The following SETD2 variants were observed in gnomAD, a reference collection of about 807,000 sequenced individuals.
SETD2 encodes the protein histone-lysine N-methyltransferase SETD2.
In SETD2, 31 loss-of-function variants were observed where a neutral mutation model predicts 242.1. That is an observed-to-expected ratio of 0.13 (90% CI 0.10 to 0.17). SETD2 has a LOEUF of 0.17. Ranked by LOEUF, SETD2 falls within the 10% of genes least tolerant of loss-of-function variation. The pLI, the probability that SETD2 is intolerant of heterozygous loss-of-function variation, is 1.00. For synonymous variants in SETD2, 1,006 were observed against 1,066.5 expected, an observed-to-expected ratio of 0.94 and a Z score of 1.11; for missense variants, 2,481 against 3,046.3, an observed-to-expected ratio of 0.81 and a Z score of 4.37.
chr3:47,068,500 T>G (rs966043151), intron 12 of SETD2, among the ~76,000 whole-genome samples: 5 of 148,530 alleles, frequency 3.4e-5, no homozygotes, highest in African/African-American at 1.2e-4. Context: ...TATCTTTTTT[T>G]TTTTTTTTTT....
chr3:47,086,155 T>A, intron 11 of SETD2, 40 bp downstream of exon 11: 2 of 1,606,288 alleles, frequency 1.2e-6, no homozygotes, highest in South Asian at 2.2e-5. Context: ...GCAATCAATA[T>A]AACAGTTTTA....
At chr3:47,033,753 C>T (rs1575664014) in intron 18 of SETD2, among the ~76,000 whole-genome samples, 1 of 148,808 alleles carries the variant, frequency 6.7e-6, no homozygotes, top group African/African-American at 2.5e-5. Context: ...CCCCCGTCTC[C>T]CGGGTTCAAG....
chr3:47,073,318 T>C (rs1452388808), intron 12 of SETD2, among the ~76,000 whole-genome samples: 1 of 152,120 alleles, frequency 6.6e-6, no homozygotes, highest in Non-Finnish European at 1.5e-5. Flanking sequence ...GAAAATATTT[T>C]ACAAAATTAA....
At chr3:47,147,251 G>T (rs1422061478) in intron 1 of SETD2, among the ~76,000 whole-genome samples, 1 of 151,270 alleles carries the variant, frequency 6.6e-6, no homozygotes, top group Non-Finnish European at 1.5e-5. Flanking sequence ...GACCTCAGGT[G>T]ATCTGCCCTC....
chr3:47,053,595 TAA>T (rs1045976064), intron 15 of SETD2, among the ~76,000 whole-genome samples: 1 of 152,244 alleles, frequency 6.6e-6, no homozygotes, highest in Non-Finnish European at 1.5e-5. Flanking sequence ...CTCCAAATAT[TAA>T]AGATACTGAA....
chr3:47,024,513 C>G (rs6767218), intron 18 of SETD2, among the ~76,000 whole-genome samples: 2 of 150,416 alleles, frequency 1.3e-5, no homozygotes, highest in African/African-American at 2.5e-5. Context: ...TTAGCTGGGC[C>G]TGGTGGTGCA....
chr3:47,109,114 G>T (rs1402569530), intron 5 of SETD2, among the ~76,000 whole-genome samples: 1 of 152,114 alleles, frequency 6.6e-6, no homozygotes. Flanking sequence ...GGTGGGTGGG[G>T]ACAGAAATTG....
intron 12 of SETD2, among the ~76,000 whole-genome samples, chr3:47,070,530 G>A (rs2040775743): frequency 6.6e-6 from 1 of 152,336 alleles, no homozygotes; most frequent in South Asian, 2.1e-4. Context: ...TGAGAAGGAA[G>A]CAGCCACGCG....
intron 5 of SETD2, among the ~76,000 whole-genome samples, chr3:47,111,374 A>T (rs2107711714): frequency 6.6e-6 from 1 of 152,104 alleles, no homozygotes; most frequent in Non-Finnish European, 1.5e-5. Flanking sequence ...TGAGAAGCCT[A>T]GGCAACATAG....
intron 13 of SETD2, 21 bp from the exon 14 acceptor site, chr3:47,062,367 G>GTT: frequency 2.1e-6 from 3 of 1,413,408 alleles, no homozygotes; most frequent in Admixed American, 2.7e-5. Context: ...AGGGTGGTTT[G>GTT]TTTGTTTTTT....
intron 1 of SETD2, among the ~76,000 whole-genome samples, chr3:47,141,672 T>TA (rs1428162620): frequency 6.6e-6 from 1 of 152,052 alleles, no homozygotes; most frequent in Non-Finnish European, 1.5e-5. Flanking sequence ...AAAGAAAAAA[T>TA]AAAAAAATGT....
In SETD2 at chr3:47,122,536, A is replaced by G. The variant is rs775142324; in HGVS notation, c.2100T>C (p.Asp700=). The G allele has an allele frequency of 3.1e-6, 5 of 1,614,028 alleles. No homozygotes were observed. The highest frequency in any genetic ancestry group is 3.3e-5 in the Admixed American group (2 of 60,000). ...GGGATAATTCCGATCCAGTCACACTATCATCAGAAGTCATTAAAACAGCAT... is the reference window on the plus strand; with the variant it reads ...GGGATAATTCCGATCCAGTCACACTGTCATCAGAAGTCATTAAAACAGCAT... The part of the protein sequence containing the change: ...KTDAVLMTSD[D]SVTGSELSPL... The change falls in exon 3 of 21, where the codon GAT becomes GAC. Residue 700 remains aspartate, a synonymous_variant. Transcript: ENST00000409792.
At chr3:47,106,786 TG>T (rs2042442893) in intron 5 of SETD2, among the ~76,000 whole-genome samples, 2 of 135,076 alleles carry the variant, frequency 1.5e-5, no homozygotes, top group African/African-American at 5.5e-5. Context: ...CACTCCAGCC[TG>T]GGCAAGAGAG....
At position 47,084,190 on chromosome 3, in the gene SETD2, G is replaced by T; in HGVS notation, c.5590C>A (p.Leu1864Met). The T allele has an allele frequency of 6.2e-7, 1 of 1,614,132 alleles. No individual in the cohort carries two copies. Among genetic ancestry groups the T allele is most frequent in the Non-Finnish European group, 8.5e-7 (1 of 1,180,026 alleles). Residue 1864 changes from leucine (L) to methionine (M), a missense_variant, in exon 12 of 21, where the codon CTG becomes ATG. Around this residue, in one of 17 missense-constraint regions of SETD2, gnomAD observed 203 missense variants for 222.4 expected, o/e 0.91. Coordinates refer to ENST00000409792, the MANE Select transcript of SETD2 (RefSeq NM_014159.7). ...GTGTCTGTGTCAGCTTCTGTGCTCA[G>T]CTTGGTGGAAGGATCAGGTGTGTTG... ...PLNTPDPSTK[L>M]STEADTDTPK...
intron 11 of SETD2, among the ~76,000 whole-genome samples, chr3:47,084,967 G>A (rs926397533): frequency 6.6e-6 from 1 of 151,272 alleles, no homozygotes; most frequent in Non-Finnish European, 1.5e-5. Flanking sequence ...CTGACCTTAG[G>A]TGATCCACCT....
chr3:47,040,882 T>C (rs2039247500), intron 17 of SETD2, among the ~76,000 whole-genome samples: 1 of 152,200 alleles, frequency 6.6e-6, no homozygotes. Context: ...TAAAAGGAAC[T>C]TATACATACT....
In SETD2 at chr3:47,016,910, A is replaced by G; in HGVS notation, c.*183T>C. ...ACATGCCAACAGCTCACAACTAGGTAATCACTTGTAGATGGAGTTCATTTT... is the reference window on the plus strand; with the variant it reads ...ACATGCCAACAGCTCACAACTAGGTGATCACTTGTAGATGGAGTTCATTTT... On this transcript the variant is annotated 3_prime_UTR_variant, in exon 21 of 21. Coordinates refer to ENST00000409792, the MANE Select transcript of SETD2 (RefSeq NM_014159.7). 1 of 596,904 alleles carries G rather than the reference A, an allele frequency of 1.7e-6. No homozygotes were observed. The highest frequency in any genetic ancestry group is 2.9e-6 in the Non-Finnish European group (1 of 339,310). 37.0% of individuals were successfully genotyped at this position (596,904 alleles called of 1,614,324 possible). A position where few individuals can be genotyped will look rare whatever the true frequency, so the allele number is the denominator to read the frequency against.
At chr3:47,076,262 T>C (rs778786207) in intron 12 of SETD2, among the ~76,000 whole-genome samples, 1 of 152,226 alleles carries the variant, frequency 6.6e-6, no homozygotes, top group Non-Finnish European at 1.5e-5. Flanking sequence ...AGCAGAGGTC[T>C]ACTGCCTGTC....
At chr3:47,096,350 G>A (rs558511314) in intron 9 of SETD2, among the ~76,000 whole-genome samples, 1 of 152,308 alleles carries the variant, frequency 6.6e-6, no homozygotes, top group Non-Finnish European at 1.5e-5. Context: ...AATTAAATGA[G>A]CTAATACATC....
Sources: allele counts gnomAD v4.1 joint callset (sites outside exome capture counted in the v4.1 genomes callset), GRCh38; gene constraint gnomAD v4.1.1; regional missense constraint gnomAD v4.1.1; transcripts MANE v1.5; gene names NCBI Gene and HGNC (gene_info 2026-07-23, HGNC 2026-07-21).